The following XKR4 variants were observed in gnomAD, a reference collection of about 807,000 sequenced individuals.
The protein encoded by XKR4 is XK related 4.
XKR4 carries 12 observed loss-of-function variants against 53.9 expected under a neutral mutation model. The observed-to-expected ratio is 0.22, with a 90% CI of 0.14 to 0.36. The LOEUF is 0.36. Among genes scored for constraint, XKR4 ranks in the 10% least tolerant of loss-of-function variants. The probability of loss-of-function intolerance (pLI) is 1.00; values close to 1 mark genes in which losing one functional copy is unlikely to be tolerated. For synonymous variants in XKR4, 354 were observed against 362.4 expected (o/e 0.98, Z 0.26); for missense variants, 799 against 859.5 (o/e 0.93, Z 0.88).
At chr8:55,476,225 T>A (rs527383087) in intron 2 of XKR4, among the ~76,000 whole-genome samples, 1 of 152,114 alleles carries the variant, frequency 6.6e-6, no homozygotes, top group Non-Finnish European at 1.5e-5. Context: ...CACTGCCTAA[T>A]GCACTAACCC....
intron 1 of XKR4, among the ~76,000 whole-genome samples, chr8:55,207,769 G>A (rs891857343): frequency 1.6e-5 from 1 of 61,120 alleles, no homozygotes; most frequent in Admixed American, 1.5e-4. Flanking sequence ...ACAGGGGGAG[G>A]GGGAGAGGGA....
intron 1 of XKR4, among the ~76,000 whole-genome samples, chr8:55,188,302 A>G (rs1270323379): frequency 1.3e-5 from 2 of 152,092 alleles, no homozygotes; most frequent in East Asian, 3.9e-4. Flanking sequence ...AGTCGATTTG[A>G]TTTATTCTTA....
rs73591623 is a variant in XKR4 at position 55,409,428 on chromosome 8, G to A, written c.1006+51551G>A. On this transcript the variant is annotated intron_variant, in intron 2 of 2. Transcript: ENST00000327381. ...TGGGTAAATTATTTAACCAGAGTGA[G>A]CTTCAGTCAGTAAATGAAGAGGCAT... Among the ~76,000 whole-genome samples, 257 of 152,332 alleles carry A rather than the reference G, an allele frequency of 1.7e-3. 1 individual carries two copies. The highest frequency in any genetic ancestry group is 5.7e-3 in the African/African-American group (238 of 41,582).
chr8:55,102,719 G>A lies in XKR4; in HGVS notation c.231G>A (p.Ser77=), dbSNP rs1370585800. ...CCGGGAGTGGCGGCTCCGCGGGCTCGGGCGGCTCCGGCGGCGTCGCCGGCC... is the reference window on the plus strand; with the variant it reads ...CCGGGAGTGGCGGCTCCGCGGGCTCAGGCGGCTCCGGCGGCGTCGCCGGCC... The part of the protein sequence containing the change: ...CCAGSGGSAG[S]GGSGGVAGPG... Residue 77 remains serine, a synonymous_variant, in exon 1 of 3, where the codon TCG becomes TCA. Transcript: ENST00000327381. This position sits in a 1 kb window ranked among gnomAD's most constrained non-coding sequence, Gnocchi z 5.1. The A allele has an allele frequency of 9.5e-6, 11 of 1,157,110 alleles. No individual in the cohort carries two copies. Among genetic ancestry groups the A allele is most frequent in the Non-Finnish European group, 1.1e-5 (10 of 939,644 alleles). 71.7% of individuals were successfully genotyped at this position (1,157,110 alleles called of 1,614,324 possible). A position where few individuals can be genotyped will look rare whatever the true frequency, so the allele number is the denominator to read the frequency against.
At chr8:55,452,371 T>G (rs893006153) in intron 2 of XKR4, 6 of 628,676 alleles carry the variant, frequency 9.5e-6, no homozygotes, top group Admixed American at 7.3e-5. Context: ...AGCATCCCCG[T>G]GAAGATGACC....
intron 1 of XKR4, among the ~76,000 whole-genome samples, chr8:55,107,017 A>G (rs1230959852): frequency 6.6e-6 from 1 of 152,170 alleles, no homozygotes; most frequent in East Asian, 1.9e-4. Context: ...GTTATCAGTT[A>G]AGTTTTTAAA....
At chr8:55,215,379 A>T (rs1235624991) in intron 1 of XKR4, among the ~76,000 whole-genome samples, 1 of 152,236 alleles carries the variant, frequency 6.6e-6, no homozygotes, top group Non-Finnish European at 1.5e-5. Context: ...TAGAAAAAAG[A>T]CAGCACACCT....
chr8:55,106,667 C>T (rs1816154299), intron 1 of XKR4, among the ~76,000 whole-genome samples: 1 of 152,100 alleles, frequency 6.6e-6, no homozygotes, highest in South Asian at 2.1e-4. Context: ...GAAGTTTACT[C>T]TTAAAACTCT....
At chr8:55,141,272 C>T (rs1321070734) in intron 1 of XKR4, among the ~76,000 whole-genome samples, 1 of 152,178 alleles carries the variant, frequency 6.6e-6, no homozygotes, top group Non-Finnish European at 1.5e-5. Context: ...TCCTCCTCTG[C>T]CTCCAGCCCC....
Position 55,530,185 on chromosome 8 carries a change from A to T in XKR4, c.*5958A>T, listed in dbSNP as rs961524490. The stretch of plus-strand genomic sequence containing the variant: ...GAAGGAAGGAAGGAAGGAAGGAAGG[A>T]AGGAAGGAAGGAAGGAAGGAAGGAG... On this transcript the variant is annotated 3_prime_UTR_variant, in exon 3 of 3. Coordinates refer to ENST00000327381, the MANE Select transcript of XKR4 (RefSeq NM_052898.2). 2.0e-5 allele frequency: 3 copies of T among 147,710 alleles called. No individual in the cohort carries two copies. Among genetic ancestry groups the T allele is most frequent in the Non-Finnish European group, 4.4e-5 (3 of 67,610 alleles). 9.1% of individuals were successfully genotyped at this position (147,710 alleles called of 1,614,324 possible).
intron 1 of XKR4, among the ~76,000 whole-genome samples, chr8:55,179,169 C>G (rs1386106950): frequency 1.3e-5 from 2 of 152,010 alleles, no homozygotes; most frequent in African/African-American, 4.8e-5. Context: ...ACAATAAAAA[C>G]TGAATTGAAT....
At chr8:55,172,019 G>A (rs1055032006) in intron 1 of XKR4, among the ~76,000 whole-genome samples, 10 of 152,110 alleles carry the variant, frequency 6.6e-5, no homozygotes, top group Non-Finnish European at 1.2e-4. Flanking sequence ...TTTGAGACCA[G>A]CCTGGCCAAC....
Position 55,167,371 on chromosome 8 carries a change from A to G in XKR4, c.806+64077A>G, listed in dbSNP as rs372120479. On this transcript the variant is annotated intron_variant, in intron 1 of 2. Coordinates refer to ENST00000327381, the MANE Select transcript of XKR4 (RefSeq NM_052898.2). The stretch of plus-strand genomic sequence containing the variant: ...ACTGAGCTCTAGCCAATAAAAAGTG[A>G]GCACAAGTATTATGTGTCACATCCA... Among the ~76,000 whole-genome samples, 14 of 152,306 alleles carry G rather than the reference A, an allele frequency of 9.2e-5. No individual in the cohort carries two copies. In the East Asian group the frequency reaches 2.5e-3, roughly 27 times the overall value.
chr8:55,135,822 C>T (rs906345536), intron 1 of XKR4, among the ~76,000 whole-genome samples: 1 of 152,130 alleles, frequency 6.6e-6, no homozygotes, highest in Non-Finnish European at 1.5e-5. Context: ...GGAAGTGGAA[C>T]AGCTCTGAAG....
At chr8:55,240,648 T>C (rs1337772886) in intron 1 of XKR4, among the ~76,000 whole-genome samples, 1 of 152,168 alleles carries the variant, frequency 6.6e-6, no homozygotes, top group East Asian at 1.9e-4. Context: ...CTATAAGGAA[T>C]ATTAGTAGAT....
chr8:55,443,149 A>G (rs1427913686), intron 2 of XKR4, among the ~76,000 whole-genome samples: 2 of 152,230 alleles, frequency 1.3e-5, no homozygotes, highest in Admixed American at 1.3e-4. Flanking sequence ...ACACTGATAT[A>G]TAAAACAGCA....
At chr8:55,326,311 A>C (rs1345788170) in intron 1 of XKR4, among the ~76,000 whole-genome samples, 2 of 152,138 alleles carry the variant, frequency 1.3e-5, no homozygotes, top group Non-Finnish European at 2.9e-5. Flanking sequence ...CATAAATTCT[A>C]GTTCTCACAA....
intron 2 of XKR4, chr8:55,450,574 G>A (rs894842569): frequency 5.5e-6 from 4 of 724,616 alleles, no homozygotes; most frequent in African/African-American, 3.6e-5. Context: ...CGAGGAACTT[G>A]AGATAGAACT....
chr8:55,445,517 G>A (rs897227273), intron 2 of XKR4, among the ~76,000 whole-genome samples: 3 of 152,076 alleles, frequency 2.0e-5, no homozygotes, highest in Admixed American at 1.3e-4. Context: ...AGGAAAACTC[G>A]CAAAATATTT....
Sources: gnomAD v4.1 joint callset for allele counts (sites outside exome capture counted in the v4.1 genomes callset) on GRCh38, gnomAD v4.1.1 for gene constraint, Gnocchi (gnomAD v3.1) non-coding constraint, MANE v1.5 for transcripts, NCBI Gene and HGNC (gene_info 2026-07-23, HGNC 2026-07-21) for gene names.